The following TNIK variants were observed in gnomAD, a reference collection of about 807,000 sequenced individuals.
TNIK encodes the protein TRAF2 and NCK-interacting protein kinase.
Under a neutral mutation model 191.3 loss-of-function variants are expected in TNIK, and 49 were observed. That is an observed-to-expected ratio of 0.26 (90% CI 0.20 to 0.32). The LOEUF (loss-of-function observed/expected upper bound fraction) is 0.32. Ranked by LOEUF, TNIK falls within the 10% of genes least tolerant of loss-of-function variation. TNIK has a pLI of 1.00. For synonymous variants in TNIK, 594 were observed against 600.9 expected (o/e 0.99, Z 0.17); for missense variants, 1,155 against 1,702.3 (o/e 0.68, Z 5.66).
chr3:171,423,104 C>T (rs1342844367), intron 1 of TNIK, among the ~76,000 whole-genome samples: 1 of 152,182 alleles, frequency 6.6e-6, no homozygotes, highest in Non-Finnish European at 1.5e-5. Flanking sequence ...GCACCAAAAT[C>T]TCCTTAAGCT....
intron 2 of TNIK, among the ~76,000 whole-genome samples, chr3:171,297,165 G>C (rs771615617): frequency 1.3e-5 from 2 of 152,124 alleles, no homozygotes; most frequent in African/African-American, 2.4e-5. Flanking sequence ...TTTCCAAAAG[G>C]GGAAAGACCG....
At chr3:171,153,944 C>CT (rs146040225) in intron 12 of TNIK, among the ~76,000 whole-genome samples, 1,755 of 152,260 alleles carry the variant, frequency 0.012, 33 homozygotes, top group African/African-American at 0.04. Flanking sequence ...GCCTGTTTCC[C>CT]TCACAGATCT....
chr3:171,264,505 G>A (rs930827757), intron 2 of TNIK, among the ~76,000 whole-genome samples: 12 of 151,900 alleles, frequency 7.9e-5, no homozygotes, highest in South Asian at 6.3e-4. Flanking sequence ...ACAGGCATGC[G>A]CTACCACACC....
intron 2 of TNIK, among the ~76,000 whole-genome samples, chr3:171,275,924 A>T (rs1260718283): frequency 1.4e-5 from 2 of 147,412 alleles, no homozygotes; most frequent in East Asian, 3.9e-4. Flanking sequence ...AAATAATAAA[A>T]AATTAAAAAA....
chr3:171,424,368 C>G (rs1724245895), intron 1 of TNIK, among the ~76,000 whole-genome samples: 1 of 152,158 alleles, frequency 6.6e-6, no homozygotes, highest in Non-Finnish European at 1.5e-5. Flanking sequence ...AATAGGAACA[C>G]TTTTACACTG....
chr3:171,117,058 C>T (rs1726827316), intron 18 of TNIK, among the ~76,000 whole-genome samples: 1 of 152,214 alleles, frequency 6.6e-6, no homozygotes, highest in Non-Finnish European at 1.5e-5. Flanking sequence ...CATGTGATGA[C>T]ACTAGTTCTA....
chr3:171,175,437 ACAC>A, intron 8 of TNIK, 107 bp from the exon 9 acceptor site: 2 of 815,760 alleles, frequency 2.5e-6, no homozygotes, highest in Admixed American at 2.9e-5. Flanking sequence ...CTCAGTTTAC[ACAC>A]CACCAGTGAG....
intron 4 of TNIK, among the ~76,000 whole-genome samples, chr3:171,197,034 CG>C (rs1481900517): frequency 1.3e-5 from 2 of 152,152 alleles, no homozygotes; most frequent in African/African-American, 2.4e-5. Flanking sequence ...GGATTACAGG[CG>C]TTGAGCCACC....
intron 1 of TNIK, among the ~76,000 whole-genome samples, chr3:171,406,437 T>G (rs908669707): frequency 6.6e-6 from 1 of 151,600 alleles, no homozygotes; most frequent in Non-Finnish European, 1.5e-5. Context: ...TTTATTTATT[T>G]ATTTTTTTTT....
chr3:171,233,347 C>A (rs764523626), intron 2 of TNIK, among the ~76,000 whole-genome samples: 8 of 151,590 alleles, frequency 5.3e-5, no homozygotes, highest in Non-Finnish European at 1.2e-4. Flanking sequence ...GAAAATAAAT[C>A]AAATCAAAAT....
chr3:171,344,527 A>T (rs1711845709), intron 2 of TNIK, among the ~76,000 whole-genome samples: 1 of 152,136 alleles, frequency 6.6e-6, no homozygotes. Flanking sequence ...TTAATATCAC[A>T]CAAGAAAGGT....
intron 2 of TNIK, among the ~76,000 whole-genome samples, chr3:171,278,444 G>A (rs1750030755): frequency 6.6e-6 from 1 of 151,780 alleles, no homozygotes; most frequent in East Asian, 1.9e-4. Flanking sequence ...TCAGCAGCTG[G>A]GCATTCAAAG....
intron 2 of TNIK, among the ~76,000 whole-genome samples, chr3:171,358,554 G>C (rs1460635819): frequency 6.6e-6 from 1 of 152,186 alleles, no homozygotes; most frequent in Non-Finnish European, 1.5e-5. Flanking sequence ...TTTGGGTAGG[G>C]AGACAGCCAA....
chr3:171,165,425 A>G (rs1237909837), intron 10 of TNIK, among the ~76,000 whole-genome samples: 1 of 151,470 alleles, frequency 6.6e-6, no homozygotes, highest in African/African-American at 2.4e-5. Flanking sequence ...CAAAAAAAAA[A>G]AAAAAAAAAA....
At chr3:171,096,916 ATAAG>A (rs1722804651) in intron 22 of TNIK, among the ~76,000 whole-genome samples, 1 of 152,226 alleles carries the variant, frequency 6.6e-6, no homozygotes, top group Non-Finnish European at 1.5e-5. Context: ...CTGTGAATTG[ATAAG>A]TAATTGGCTA....
At chr3:171,401,420 T>A (rs1277498230) in intron 1 of TNIK, among the ~76,000 whole-genome samples, 1 of 152,104 alleles carries the variant, frequency 6.6e-6, no homozygotes, top group Non-Finnish European at 1.5e-5. Context: ...CAATGCTGTC[T>A]AACGATCACT....
chr3:171,076,759 C>G (rs984539584), intron 28 of TNIK, among the ~76,000 whole-genome samples: 3 of 152,118 alleles, frequency 2.0e-5, no homozygotes, highest in African/African-American at 7.2e-5. Flanking sequence ...GCAACTCTTT[C>G]AACTACTTCT....
chr3:171,271,599 T>C (rs1186347345), intron 2 of TNIK, among the ~76,000 whole-genome samples: 1 of 152,266 alleles, frequency 6.6e-6, no homozygotes, highest in East Asian at 1.9e-4. Context: ...CTACCTCTCA[T>C]GTGTTCCCAG....
chr3:171,356,357 G>A (rs1714069209), intron 2 of TNIK, among the ~76,000 whole-genome samples: 1 of 152,022 alleles, frequency 6.6e-6, no homozygotes, highest in African/African-American at 2.4e-5. Flanking sequence ...TTTTTTGTAG[G>A]TGGAAAAGAA....
Sources: gnomAD v4.1 joint callset for allele counts (sites outside exome capture counted in the v4.1 genomes callset) on GRCh38, gnomAD v4.1.1 for gene constraint, MANE v1.5 for transcripts, NCBI Gene and HGNC (gene_info 2026-07-23, HGNC 2026-07-21) for gene names.